The following CA5A variants were observed in gnomAD, a reference collection of about 807,000 sequenced individuals.
The protein encoded by CA5A is carbonic anhydrase 5A, also known as carbonic anhydrase 5A, mitochondrial.
Under a neutral mutation model 37.1 loss-of-function variants are expected in CA5A, and 28 were observed. That is an observed-to-expected ratio of 0.75 (90% CI 0.56 to 1.03). CA5A has a LOEUF of 1.03. Ranked by LOEUF, CA5A falls within the 50% of genes least tolerant of loss-of-function variation. CA5A has a pLI of 0.00. For missense variants in CA5A, 444 were observed against 399.9 expected, an observed-to-expected ratio of 1.11 and a Z score of -0.94; for synonymous variants, 171 against 158.4, an observed-to-expected ratio of 1.08 and a Z score of -0.60.
rs60994571 is a variant in CA5A, at chr16:87,928,760, G to GTTTTTTTTT, written c.143-1824_143-1816dup. On this transcript the variant is annotated intron_variant, in intron 1 of 6. Coordinates refer to ENST00000649794, the MANE Select transcript of CA5A (RefSeq NM_001739.2). ...TCATCTGGATTATTTTCTTTTCTTTGTTTTTTTTTTTTTTTTTTTTTTTTT... is the reference window on the plus strand; with the variant it reads ...TCATCTGGATTATTTTCTTTTCTTTGTTTTTTTTTTTTTTTTTTTTTTTTTTTTTTTTTT... Among the ~76,000 whole-genome samples the GTTTTTTTTT allele has an allele frequency of 5.2e-5, 3 of 57,924 alleles. 1 individual carries two copies. The highest frequency in any genetic ancestry group is 7.4e-5 in the African/African-American group (1 of 13,442). 38.0% of individuals were successfully genotyped at this position (57,924 alleles called of 152,430 possible).
chr16:87,892,500 AC>A (rs1316390803), intron 5 of CA5A, among the ~76,000 whole-genome samples: 2 of 142,110 alleles, frequency 1.4e-5, no homozygotes, highest in African/African-American at 5.1e-5. Context: ...ACAGAGTGAG[AC>A]TCTGTCTCAA....
At chr16:87,915,464 G>T (rs1300765294) in intron 2 of CA5A, among the ~76,000 whole-genome samples, 1 of 151,136 alleles carries the variant, frequency 6.6e-6, no homozygotes, top group Non-Finnish European at 1.5e-5. Context: ...GAGCTCAGGA[G>T]AAGCTTGCAG....
intron 5 of CA5A, among the ~76,000 whole-genome samples, chr16:87,895,448 G>A (rs1200948868): frequency 1.3e-5 from 2 of 152,204 alleles, no homozygotes; most frequent in Non-Finnish European, 2.9e-5. Flanking sequence ...GGGAGGCTGA[G>A]GCAGGAGAAT....
chr16:87,899,232 C>T (rs1257213489), intron 5 of CA5A, among the ~76,000 whole-genome samples: 6 of 151,662 alleles, frequency 4.0e-5, no homozygotes, highest in Non-Finnish European at 8.8e-5. Context: ...AGTCTCTTCC[C>T]ATTCCCTGGC....
intron 5 of CA5A, among the ~76,000 whole-genome samples, chr16:87,897,385 T>C (rs1195115495): frequency 6.6e-6 from 1 of 152,230 alleles, no homozygotes; most frequent in African/African-American, 2.4e-5. Flanking sequence ...AGGCGAAGCC[T>C]TGAGGTCTCC....
chr16:87,913,212 C>T (rs1597568311), intron 2 of CA5A, among the ~76,000 whole-genome samples: 1 of 152,122 alleles, frequency 6.6e-6, no homozygotes, highest in Admixed American at 6.5e-5. Flanking sequence ...CTCCTGACCT[C>T]AGGTGATCCA....
chr16:87,901,885 C>G, intron 5 of CA5A, 27 bp downstream of exon 5: 5 of 1,604,296 alleles, frequency 3.1e-6, no homozygotes, highest in Non-Finnish European at 4.3e-6. Flanking sequence ...CCGCGCCCGG[C>G]CTGCTGATTT....
chr16:87,911,328 C>T lies in CA5A; in HGVS notation c.341-6424G>A, dbSNP rs8056437. Among the ~76,000 whole-genome samples the T allele has an allele frequency of 9.0e-3, 1,377 of 152,192 alleles. 23 individuals are homozygous for T. The highest frequency in any genetic ancestry group is 0.031 in the African/African-American group (1,305 of 41,514). ...ACTCTCCAAACATAATAACAGATGA[C>T]GTTTGGGGCCGGCTCCAGGCTGTGA... On this transcript the variant is annotated intron_variant, in intron 2 of 6. Transcript: ENST00000649794. The surrounding 1 kb of genome is among the most constrained non-coding windows in gnomAD (Gnocchi z 4.6).
At chr16:87,888,389 A>T in intron 6 of CA5A, 117 bp from the exon 7 acceptor site, 1 of 854,484 alleles carries the variant, frequency 1.2e-6, no homozygotes, top group Middle Eastern at 3.5e-4. Context: ...GCCCGAAATG[A>T]TCAATAAATA....
chr16:87,910,043 C>T (rs1292899820), intron 2 of CA5A, among the ~76,000 whole-genome samples: 3 of 152,096 alleles, frequency 2.0e-5, no homozygotes, highest in African/African-American at 7.2e-5. Flanking sequence ...ATGGGAAATA[C>T]GAAGTCCTTA....
chr16:87,891,927 C>G lies in CA5A; in HGVS notation c.646G>C (p.Asp216His), dbSNP rs370816330. ...CAGGTGGGCAGCAGAGTGGAGGGGTCGAAGGGGCGCATGGCCGCCCGCGCG... is the reference window on the plus strand; with the variant it reads ...CAGGTGGGCAGCAGAGTGGAGGGGTGGAAGGGGCGCATGGCCGCCCGCGCG... ...KDARAAMRPFDPSTLLPTCWD... is the reference protein window; with the variant it reads ...KDARAAMRPFHPSTLLPTCWD... The change falls in exon 6 of 7, where the codon GAC (aspartate) becomes CAC (histidine). Residue 216 changes from aspartate to histidine, a missense_variant. By Grantham distance (81) the Asp-to-His change is moderately conservative. Coordinates refer to ENST00000649794, the MANE Select transcript of CA5A (RefSeq NM_001739.2). 6.4e-7 allele frequency: 1 copy of G among 1,556,588 alleles called. No individual in the cohort carries two copies. Among genetic ancestry groups the G allele is most frequent in the Non-Finnish European group, 8.7e-7 (1 of 1,152,624 alleles).
intron 5 of CA5A, among the ~76,000 whole-genome samples, chr16:87,894,485 C>A (rs1207198324): frequency 2.0e-5 from 3 of 151,946 alleles, no homozygotes. Flanking sequence ...GGCTGAGCTA[C>A]CAGAAGGAAG....
chr16:87,912,011 A>C (rs1055746163), intron 2 of CA5A, among the ~76,000 whole-genome samples: 3 of 152,104 alleles, frequency 2.0e-5, no homozygotes, highest in Non-Finnish European at 4.4e-5. Flanking sequence ...TATTAAAATT[A>C]CTGTCATCGC....
chr16:87,936,198 G>A, intron 1 of CA5A, 111 bp downstream of exon 1: 3 of 678,742 alleles, frequency 4.4e-6, no homozygotes, highest in African/African-American at 3.7e-5. Context: ...AAACGGAGTG[G>A]AAATCTGAAC....
chr16:87,892,946 C>T, intron 5 of CA5A: 6 of 860,478 alleles, frequency 7.0e-6, no homozygotes, highest in Non-Finnish European at 1.1e-5. Context: ...TGTGCCCGGC[C>T]TATGGGCTCC....
At chr16:87,901,059 G>A (rs1195704359) in intron 5 of CA5A, among the ~76,000 whole-genome samples, 4 of 152,086 alleles carry the variant, frequency 2.6e-5, no homozygotes, top group Non-Finnish European at 5.9e-5. Context: ...GTGAAACCCC[G>A]TCTCTACTAA....
At chr16:87,895,718 G>A (rs1247376390) in intron 5 of CA5A, among the ~76,000 whole-genome samples, 1 of 151,890 alleles carries the variant, frequency 6.6e-6, no homozygotes, top group Non-Finnish European at 1.5e-5. Context: ...CCGCCCTGCT[G>A]CTTCTGTCTC....
chr16:87,935,260 T>C (rs1022540751), intron 1 of CA5A, among the ~76,000 whole-genome samples: 2 of 152,208 alleles, frequency 1.3e-5, no homozygotes, highest in Non-Finnish European at 2.9e-5. Context: ...AGGAAGCACC[T>C]GAGACCCAGA....
At chr16:87,905,765 CTCCT>C (rs967544151) in intron 2 of CA5A, among the ~76,000 whole-genome samples, 1 of 152,238 alleles carries the variant, frequency 6.6e-6, no homozygotes, top group Non-Finnish European at 1.5e-5. Flanking sequence ...TATTGGAACA[CTCCT>C]TCCTTCCTAA....
Sources: gnomAD v4.1 joint callset for allele counts (sites outside exome capture counted in the v4.1 genomes callset) on GRCh38, gnomAD v4.1.1 for gene constraint, Gnocchi (gnomAD v3.1) non-coding constraint, MANE v1.5 for transcripts, NCBI Gene and HGNC (gene_info 2026-07-23, HGNC 2026-07-21) for gene names.